The following JPH3 variants were observed in gnomAD, a reference collection of about 807,000 sequenced individuals.
JPH3 encodes junctophilin 3, also known as junctophilin-3.
A neutral mutation model predicts 59.6 loss-of-function variants in JPH3; 11 were observed. The ratio of observed to expected loss-of-function variants is 0.18; its 90% CI spans 0.12 to 0.31. The LOEUF (loss-of-function observed/expected upper bound fraction) is 0.31. Among genes scored for constraint, JPH3 ranks in the 10% least tolerant of loss-of-function variants. The probability of loss-of-function intolerance (pLI) is 1.00; values close to 1 mark genes in which losing one functional copy is unlikely to be tolerated. For synonymous variants in JPH3, 673 were observed against 483.6 expected (o/e 1.39, Z -5.14); for missense variants, 1,202 against 1,105.7 (o/e 1.09, Z -1.24).
rs1001296263 is a variant in JPH3 at position 87,697,610 on chromosome 16, A to ACAT, written c.*952_*954dup. ...TGGTTACTGATCTCCACGGGTTTTCACATCTCTGTACTGTGCCTGCCTCAA... is the reference window on the plus strand; with the variant it reads ...TGGTTACTGATCTCCACGGGTTTTCACATCATCTCTGTACTGTGCCTGCCTCAA... On this transcript the variant is annotated 3_prime_UTR_variant, in exon 5 of 5. Coordinates refer to ENST00000284262, the MANE Select transcript of JPH3 (RefSeq NM_020655.4). 1.3e-5 allele frequency: 2 copies of ACAT among 152,152 alleles called. No homozygotes were observed. Among genetic ancestry groups the ACAT allele is most frequent in the African/African-American group, 4.8e-5 (2 of 41,404 alleles). 9.4% of individuals were successfully genotyped at this position (152,152 alleles called of 1,614,324 possible). A position where few individuals can be genotyped will look rare whatever the true frequency, so the allele number is the denominator to read the frequency against.
chr16:87,683,451 C>T (rs993344265), intron 2 of JPH3, among the ~76,000 whole-genome samples: 4 of 151,910 alleles, frequency 2.6e-5, no homozygotes, highest in South Asian at 2.1e-4. Flanking sequence ...ATTACAGGCA[C>T]GTGCCACAAC....
At position 87,603,057 on chromosome 16, in the gene JPH3, G is replaced by C; in HGVS notation, c.-90G>C. 6.5e-7 allele frequency: 1 copy of C among 1,544,482 alleles called. No individual in the cohort carries two copies. ...CTCCTCTCCTCCGGAAAACGCTCGCGACCCAGGGCCGCCGGCGGCCGCGAC... is the reference window on the plus strand; with the variant it reads ...CTCCTCTCCTCCGGAAAACGCTCGCCACCCAGGGCCGCCGGCGGCCGCGAC... On this transcript the variant is annotated 5_prime_UTR_variant, in exon 1 of 5. Coordinates refer to ENST00000284262, the MANE Select transcript of JPH3 (RefSeq NM_020655.4).
chr16:87,677,225 C>CACA (rs1271128667), intron 2 of JPH3, among the ~76,000 whole-genome samples: 1 of 81,640 alleles, frequency 1.2e-5, no homozygotes, highest in African/African-American at 4.3e-5. Context: ...CACACACACA[C>CACA]AAAAAAAAAA....
rs964121968 is a variant in JPH3 at position 87,697,787 on chromosome 16, A to G, written c.*1127A>G. ...CCAGCCCCCTAAAATGTACAATGTA[A>G]CTTGTTCAGTCCAACAAAAACAGGT... is the stretch of plus-strand genomic sequence containing the variant. On this transcript the variant is annotated 3_prime_UTR_variant, in exon 5 of 5. Coordinates refer to ENST00000284262, the MANE Select transcript of JPH3 (RefSeq NM_020655.4). The G allele has an allele frequency of 5.3e-5, 8 of 152,216 alleles. No individual in the cohort carries two copies. The highest frequency in any genetic ancestry group is 1.9e-4 in the African/African-American group (8 of 41,446). The allele number at this position is 152,216 out of a possible 1,614,324, so 9.4% of individuals were successfully genotyped here. A position where few individuals can be genotyped will look rare whatever the true frequency, so the allele number is the denominator to read the frequency against.
chr16:87,655,492 C>T (rs760615881), intron 2 of JPH3, among the ~76,000 whole-genome samples: 11 of 152,192 alleles, frequency 7.2e-5, no homozygotes, highest in Non-Finnish European at 1.0e-4. Flanking sequence ...TAGCTGGGAC[C>T]GCAGCCGTGC....
chr16:87,661,435 T>C (rs59338245), intron 2 of JPH3, among the ~76,000 whole-genome samples: 49,057 of 152,186 alleles, frequency 0.32, 8,571 homozygotes, highest in South Asian at 0.44. Flanking sequence ...GCCCTTTGCA[T>C]CTGCAGATAG....
chr16:87,694,716 G>A (rs1223283909), intron 4 of JPH3: 1 of 160,320 alleles, frequency 6.2e-6, no homozygotes, highest in Non-Finnish European at 1.4e-5. Context: ...ACAAGTCAGG[G>A]ATTTTAGTGT....
chr16:87,692,219 G>A (rs1339200525), intron 4 of JPH3, among the ~76,000 whole-genome samples: 4 of 129,106 alleles, frequency 3.1e-5, no homozygotes, highest in East Asian at 2.0e-4. Context: ...CTCCCTCCCC[G>A]TCTCCCTCCC....
chr16:87,644,290 C>T lies in JPH3; in HGVS notation c.415C>T (p.Arg139Cys), dbSNP rs1175751229. The change falls in exon 2 of 5, where the codon CGC becomes TGC. Residue 139 changes from arginine to cysteine, a missense_variant. Transcript: ENST00000284262. The stretch of plus-strand genomic sequence containing the variant: ...CCAGGGCCAGTGGGTCGGTGGCATG[C>T]GCCAGGGCTACGGCGTCCGGCAGAG... Reference protein sequence around the residue: ...TYQGQWVGGMRQGYGVRQSVP... With the variant: ...TYQGQWVGGMCQGYGVRQSVP... 11 of 1,611,250 alleles carry T rather than the reference C, an allele frequency of 6.8e-6. No individual in the cohort carries two copies. Among genetic ancestry groups the T allele is most frequent in the East Asian group, 2.2e-5 (1 of 44,876 alleles).
chr16:87,698,096 C>T lies in JPH3; in HGVS notation c.*1436C>T, dbSNP rs892535360. On this transcript the variant is annotated 3_prime_UTR_variant, in exon 5 of 5. Transcript: ENST00000284262. ...TCGAGCAGACTTCTTTACTACACTG[C>T]ACTGGATTGCTATATTTTTAACCAG... The T allele has an allele frequency of 1.3e-5, 2 of 152,632 alleles. No individual in the cohort carries two copies. The highest frequency in any genetic ancestry group is 4.8e-5 in the African/African-American group (2 of 41,462). The allele number at this position is 152,632 out of a possible 1,614,324, so 9.5% of individuals were successfully genotyped here.
At chr16:87,656,957 C>T (rs1272906559) in intron 2 of JPH3, among the ~76,000 whole-genome samples, 1 of 152,108 alleles carries the variant, frequency 6.6e-6, no homozygotes, top group African/African-American at 2.4e-5. Flanking sequence ...TCCCTCTCCT[C>T]CTCTTCTTAT....
chr16:87,663,494 T>C (rs771487856), intron 2 of JPH3, among the ~76,000 whole-genome samples: 2 of 152,214 alleles, frequency 1.3e-5, no homozygotes, highest in African/African-American at 2.4e-5. Flanking sequence ...ATGATTGATA[T>C]ATCAGGGAAC....
chr16:87,632,517 G>A (rs948715875), intron 1 of JPH3, among the ~76,000 whole-genome samples: 17 of 152,210 alleles, frequency 1.1e-4, no homozygotes, highest in African/African-American at 3.6e-4. Flanking sequence ...CACGATCACC[G>A]CAGCCTCAAT....
intron 1 of JPH3, among the ~76,000 whole-genome samples, chr16:87,627,309 G>C (rs886308233): frequency 7.2e-5 from 11 of 152,230 alleles, no homozygotes; most frequent in African/African-American, 2.7e-4. Flanking sequence ...TGCATTTCAG[G>C]GTTCCCAGGT....
intron 2 of JPH3, among the ~76,000 whole-genome samples, chr16:87,666,090 T>G (rs950765804): frequency 7.3e-6 from 1 of 136,638 alleles, no homozygotes; most frequent in Non-Finnish European, 1.5e-5. Flanking sequence ...CTTCTTTTTT[T>G]CTCTTTTTTT....
chr16:87,671,450 C>T (rs779342609), intron 2 of JPH3, among the ~76,000 whole-genome samples: 3 of 152,212 alleles, frequency 2.0e-5, no homozygotes, highest in Non-Finnish European at 4.4e-5. Context: ...CACTCACCAG[C>T]GCCACCTGGT....
intron 1 of JPH3, among the ~76,000 whole-genome samples, chr16:87,603,913 C>T (rs2030373232): frequency 6.6e-6 from 1 of 152,238 alleles, no homozygotes; most frequent in South Asian, 2.1e-4. Flanking sequence ...GGCTTTGCCC[C>T]CCACCCTGGA....
intron 2 of JPH3, among the ~76,000 whole-genome samples, chr16:87,669,647 C>G (rs2032964000): frequency 6.6e-6 from 1 of 152,154 alleles, no homozygotes; most frequent in Non-Finnish European, 1.5e-5. Flanking sequence ...TGAGAGAGGC[C>G]TGGCGTGTGG....
rs1396710662 is a variant in JPH3, at chr16:87,621,208, G to A, written c.382+17680G>A. ...GTCCCCTGGAGCGCAGGGGTCAGCA[G>A]CTAACTTCTCGCCCTGGCAGCTGGA... On this transcript the variant is annotated intron_variant, in intron 1 of 4. Coordinates refer to ENST00000284262, the MANE Select transcript of JPH3 (RefSeq NM_020655.4). Among the ~76,000 whole-genome samples, 4 of 152,226 alleles carry A rather than the reference G, an allele frequency of 2.6e-5. No homozygotes were observed. The East Asian group carries it at 7.7e-4, about 29-fold the overall frequency.
Sources: gnomAD v4.1 joint callset for allele counts (sites outside exome capture counted in the v4.1 genomes callset) on GRCh38, gnomAD v4.1.1 for gene constraint, MANE v1.5 for transcripts, NCBI Gene and HGNC (gene_info 2026-07-23, HGNC 2026-07-21) for gene names.